The following FOXK1 variants were observed in gnomAD, a reference collection of about 807,000 sequenced individuals.
FOXK1 encodes forkhead box K1.
In FOXK1, 19 loss-of-function variants were observed where a neutral mutation model predicts 51.9. That is an observed-to-expected ratio of 0.37 (90% CI 0.26 to 0.54). FOXK1 has a LOEUF of 0.54. Ranked by LOEUF, FOXK1 falls within the 20% of genes least tolerant of loss-of-function variation. The probability of loss-of-function intolerance (pLI) is 0.87; values close to 1 mark genes in which losing one functional copy is unlikely to be tolerated. For synonymous variants in FOXK1, 537 were observed against 482.6 expected (o/e 1.11, Z -1.48); for missense variants, 870 against 1,032.7 (o/e 0.84, Z 2.16).
rs1413330653 is a variant in FOXK1 at position 4,753,105 on chromosome 7, A to C, written c.747-1354A>C. 6.6e-6 allele frequency among the ~76,000 whole-genome samples: 1 copy of C among 152,200 alleles called. No homozygotes were observed. Among genetic ancestry groups the C allele is most frequent in the African/African-American group, 2.4e-5 (1 of 41,452 alleles). On this transcript the variant is annotated intron_variant, in intron 2 of 8. Coordinates refer to ENST00000328914, the MANE Select transcript of FOXK1 (RefSeq NM_001037165.2). The surrounding 1 kb of genome is among the most constrained non-coding windows in gnomAD (Gnocchi z 4.9). ...GAGTCCGTTGTAAGAGAGAATGGGAATTCCAGATCAGAGTCCTTAACGTTC... is the reference window on the plus strand; with the variant it reads ...GAGTCCGTTGTAAGAGAGAATGGGACTTCCAGATCAGAGTCCTTAACGTTC...
Position 4,703,698 on chromosome 7 carries a change from A to G in FOXK1, c.560+20830A>G, listed in dbSNP as rs899650490. Among the ~76,000 whole-genome samples, 1 of 152,188 alleles carries G rather than the reference A, an allele frequency of 6.6e-6. No individual in the cohort carries two copies. Among genetic ancestry groups the G allele is most frequent in the Non-Finnish European group, 1.5e-5 (1 of 68,040 alleles). On this transcript the variant is annotated intron_variant, in intron 1 of 8. Transcript: ENST00000328914. The surrounding 1 kb of genome is among the most constrained non-coding windows in gnomAD (Gnocchi z 5.6). ...CAGCTGGGGACTGGTGCGCCATGCAATTGACATAGCGCTGCTCGGGCGACC... is the reference window on the plus strand; with the variant it reads ...CAGCTGGGGACTGGTGCGCCATGCAGTTGACATAGCGCTGCTCGGGCGACC...
rs1262466591 is a variant in FOXK1 at position 4,707,936 on chromosome 7, G to A, written c.560+25068G>A. On this transcript the variant is annotated intron_variant, in intron 1 of 8. Transcript: ENST00000328914. This position sits in a 1 kb window ranked among gnomAD's most constrained non-coding sequence, Gnocchi z 4.1. ...TGCCCCAAGTGATCCACCCTCCTCA[G>A]CCTCCCAAAGTGCTGGGATTACACC... 6.6e-6 allele frequency among the ~76,000 whole-genome samples: 1 copy of A among 152,090 alleles called. No homozygotes were observed. The highest frequency in any genetic ancestry group is 1.5e-5 in the Non-Finnish European group (1 of 68,016).
rs1388537731 is a variant in FOXK1 at position 4,709,680 on chromosome 7, T to C, written c.560+26812T>C. Among the ~76,000 whole-genome samples the C allele has an allele frequency of 5.3e-5, 8 of 152,214 alleles. No homozygotes were observed. Among genetic ancestry groups the C allele is most frequent in the Admixed American group, 3.9e-4 (6 of 15,282 alleles). On this transcript the variant is annotated intron_variant, in intron 1 of 8. Transcript: ENST00000328914. This position sits in a 1 kb window ranked among gnomAD's most constrained non-coding sequence, Gnocchi z 5.6. ...CCGCAGTAAAGCGTAATTCACATGA[T>C]ACAAAACGTCAAATTGCGTTTTACG...
At chr7:4,701,950 C>G (rs1780025984) in intron 1 of FOXK1, among the ~76,000 whole-genome samples, 1 of 152,080 alleles carries the variant, frequency 6.6e-6, no homozygotes. Context: ...TGGTGCTTGC[C>G]TGTACTCGCA....
At chr7:4,726,000 TTTCAACAAACAGAAC>T (rs1332483688) in intron 1 of FOXK1, among the ~76,000 whole-genome samples, 2 of 146,402 alleles carry the variant, frequency 1.4e-5, no homozygotes, top group Admixed American at 1.4e-4. Flanking sequence ...CCCTGTTTTC[TTTCAACAAACAGAAC>T]TTTTTTTTTT....
rs866787683 is a variant in FOXK1, at chr7:4,729,468, G to A, written c.561-11370G>A. Among the ~76,000 whole-genome samples, 2 of 152,180 alleles carry A rather than the reference G, an allele frequency of 1.3e-5. No individual in the cohort carries two copies. The highest frequency in any genetic ancestry group is 4.8e-5 in the African/African-American group (2 of 41,458). On this transcript the variant is annotated intron_variant, in intron 1 of 8. Coordinates refer to ENST00000328914, the MANE Select transcript of FOXK1 (RefSeq NM_001037165.2). This position sits in a 1 kb window ranked among gnomAD's most constrained non-coding sequence, Gnocchi z 6.2. ...GAAGGGAAGGTGGGGGGATTTTGAA[G>A]GAGCTGTGAACACCGAGGGTGCCGT... is the stretch of plus-strand genomic sequence containing the variant.
At position 4,763,182 on chromosome 7, in the gene FOXK1, C is replaced by T. The variant is rs1467903668; in HGVS notation, c.*718C>T. Reference sequence around the variant, plus strand: ...GGGTTCCCGCTGGGTTTAATCCCCTCGAAGAGTAAACCTGCCGCTCTGTCT... The same window carrying T: ...GGGTTCCCGCTGGGTTTAATCCCCTTGAAGAGTAAACCTGCCGCTCTGTCT... On this transcript the variant is annotated 3_prime_UTR_variant, in exon 9 of 9. Transcript: ENST00000328914. 1 of 152,164 alleles carries T rather than the reference C, an allele frequency of 6.6e-6. No homozygotes were observed. Among genetic ancestry groups the T allele is most frequent in the South Asian group, 2.1e-4 (1 of 4,824 alleles). 9.4% of individuals were successfully genotyped at this position (152,164 alleles called of 1,614,324 possible).
Position 4,759,103 on chromosome 7 carries a change from G to A in FOXK1, c.1297G>A (p.Gly433Ser). 2 of 1,611,452 alleles carry A rather than the reference G, an allele frequency of 1.2e-6. No individual in the cohort carries two copies. The highest frequency in any genetic ancestry group is 1.7e-4 in the Middle Eastern group (1 of 6,058). Residue 433 changes from glycine (G) to serine (S), a missense_variant, in exon 6 of 9, where the codon GGC becomes AGC. Gly to Ser is a moderately conservative substitution (Grantham distance 56). Coordinates refer to ENST00000328914, the MANE Select transcript of FOXK1 (RefSeq NM_001037165.2). ...HPGLMSPRSG[G>S]LQTPECLSRE... The stretch of plus-strand genomic sequence containing the variant: ...CGGGCTGATGTCCCCTCGCTCCGGC[G>A]GCCTGCAGACCCCAGAGTGCCTGTC...
chr7:4,724,495 CCA>C (rs1462939444), intron 1 of FOXK1, among the ~76,000 whole-genome samples: 1 of 152,214 alleles, frequency 6.6e-6, no homozygotes, highest in Non-Finnish European at 1.5e-5. Context: ...TGTGCCTGGC[CCA>C]GAGTTCGCTT....
At chr7:4,727,704 G>A (rs1228330074) in intron 1 of FOXK1, among the ~76,000 whole-genome samples, 6 of 152,228 alleles carry the variant, frequency 3.9e-5, no homozygotes, top group Admixed American at 3.9e-4. Flanking sequence ...GGCAGACTGG[G>A]CCCTGTCCCA....
intron 1 of FOXK1, among the ~76,000 whole-genome samples, chr7:4,695,345 C>G (rs1388259920): frequency 6.6e-6 from 1 of 152,206 alleles, no homozygotes; most frequent in East Asian, 1.9e-4. Context: ...TTCTCTTTTT[C>G]TCTGTAAATT....
chr7:4,738,963 A>G (rs1373455139), intron 1 of FOXK1, among the ~76,000 whole-genome samples: 1 of 152,170 alleles, frequency 6.6e-6, no homozygotes. Context: ...AGAAGACGCA[A>G]GAGGACCCCC....
Position 4,759,391 on chromosome 7 carries a change from A to G in FOXK1, c.1492A>G (p.Met498Val), listed in dbSNP as rs1452940656. ...SSLVAKPVAY[M>V]PASIVTSQQP... ...CCTCGTGGCCAAGCCCGTGGCCTACATGCCCGCCTCCATCGTAACCTCACA... is the reference window on the plus strand; with the variant it reads ...CCTCGTGGCCAAGCCCGTGGCCTACGTGCCCGCCTCCATCGTAACCTCACA... Residue 498 changes from methionine to valine, a missense_variant, in exon 7 of 9, where the codon ATG becomes GTG. By Grantham distance (21) the Met-to-Val change is conservative (BLOSUM62 1). Transcript: ENST00000328914. 14 of 1,602,050 alleles carry G rather than the reference A, an allele frequency of 8.7e-6. No homozygotes were observed. The highest frequency in any genetic ancestry group is 1.1e-5 in the Non-Finnish European group (13 of 1,178,896).
chr7:4,732,281 G>C (rs1780487982), intron 1 of FOXK1, among the ~76,000 whole-genome samples: 1 of 152,144 alleles, frequency 6.6e-6, no homozygotes, highest in Non-Finnish European at 1.5e-5. Flanking sequence ...GGGAAACCAG[G>C]CCAGTGTATG....
intron 1 of FOXK1, among the ~76,000 whole-genome samples, chr7:4,695,229 C>T (rs1036690140): frequency 4.6e-5 from 7 of 152,206 alleles, no homozygotes; most frequent in African/African-American, 1.4e-4. Flanking sequence ...TAAGAATATC[C>T]ACCTCCCTCG....
In FOXK1 at chr7:4,711,081, G is replaced by A. The variant is rs777974046; in HGVS notation, c.560+28213G>A. On this transcript the variant is annotated intron_variant, in intron 1 of 8. Coordinates refer to ENST00000328914, the MANE Select transcript of FOXK1 (RefSeq NM_001037165.2). The surrounding 1 kb of genome is among the most constrained non-coding windows in gnomAD (Gnocchi z 6.3). ...AAGATGGAGATGGATGGAGACGGCT[G>A]TCCATCAGCTGTGCAGGGCCAAGCT... Among the ~76,000 whole-genome samples the A allele has an allele frequency of 1.9e-4, 29 of 152,156 alleles. No homozygotes were observed. Among genetic ancestry groups the A allele is most frequent in the Non-Finnish European group, 2.8e-4 (19 of 68,024 alleles).
chr7:4,684,927 T>C (rs1257976638), intron 1 of FOXK1, among the ~76,000 whole-genome samples: 1 of 152,012 alleles, frequency 6.6e-6, no homozygotes, highest in Non-Finnish European at 1.5e-5. Context: ...GTTATCGGTG[T>C]ATACAGTCCT....
In FOXK1 at chr7:4,730,434, C is replaced by T. The variant is rs1445522860; in HGVS notation, c.561-10404C>T. 3.3e-5 allele frequency among the ~76,000 whole-genome samples: 5 copies of T among 152,168 alleles called. No homozygotes were observed. The highest frequency in any genetic ancestry group is 1.2e-4 in the African/African-American group (5 of 41,450). On this transcript the variant is annotated intron_variant, in intron 1 of 8. Transcript: ENST00000328914. This position sits in a 1 kb window ranked among gnomAD's most constrained non-coding sequence, Gnocchi z 4.7. ...TGGCATGGACCCAAAAGTGGAGTCA[C>T]GGTTGCAGCTCTGGTTCCTGGAGGA... is the stretch of plus-strand genomic sequence containing the variant.
intron 2 of FOXK1, among the ~76,000 whole-genome samples, chr7:4,744,144 C>G (rs1011735186): frequency 3.3e-5 from 5 of 152,090 alleles, no homozygotes; most frequent in South Asian, 4.1e-4. Context: ...AAAACTATTT[C>G]CCAGTGTTAA....
Sources: gnomAD v4.1 joint callset for allele counts (sites outside exome capture counted in the v4.1 genomes callset) on GRCh38, gnomAD v4.1.1 for gene constraint, Gnocchi (gnomAD v3.1) non-coding constraint, MANE v1.5 for transcripts, NCBI Gene and HGNC (gene_info 2026-07-23, HGNC 2026-07-21) for gene names.